THSD7B: variants seen among roughly 807,000 people sequenced by gnomAD.
THSD7B encodes the protein thrombospondin type-1 domain-containing protein 7B.
In THSD7B, 138 loss-of-function variants were observed where a neutral mutation model predicts 213.6. The ratio of observed to expected loss-of-function variants is 0.65; its 90% CI spans 0.56 to 0.74. THSD7B has a LOEUF of 0.74. Ranked by LOEUF, THSD7B falls within the 30% of genes least tolerant of loss-of-function variation. The pLI is 0.00. For synonymous variants in THSD7B, 742 were observed against 687.0 expected (o/e 1.08, Z -1.25); for missense variants, 1,931 against 1,991.5 (o/e 0.97, Z 0.58).
At chr2:137,549,310 CTTTTTTTTTTTTT>C (rs1027305359) in intron 15 of THSD7B, among the ~76,000 whole-genome samples, 580 of 25,248 alleles carry the variant, frequency 0.023, 11 homozygotes, top group Admixed American at 0.044. Context: ...TTCAGATGCT[CTTTTTTTTTTTTT>C]TTTTTTTTTT....
At chr2:136,909,978 A>G (rs1248020438) in intron 2 of THSD7B, among the ~76,000 whole-genome samples, 1 of 152,146 alleles carries the variant, frequency 6.6e-6, no homozygotes, top group Non-Finnish European at 1.5e-5. Flanking sequence ...AACGAACAGG[A>G]TCAGGTCTTC....
chr2:137,572,659 C>T lies in THSD7B; in HGVS notation c.3423+103C>T, dbSNP rs1161546535. 5.1e-5 allele frequency: 63 copies of T among 1,244,234 alleles called. No individual in the cohort carries two copies. In the South Asian group the frequency reaches 1.4e-3, roughly 27 times the overall value. The allele number at this position is 1,244,234 out of a possible 1,614,324, so 77.1% of individuals were successfully genotyped here. On this transcript the variant is annotated intron_variant, in intron 17 of 27. Transcript: ENST00000409968. The stretch of plus-strand genomic sequence containing the variant: ...AGTCTCCAAAGCATTCTTCTAGTAA[C>T]ATGGGAAAATAATTTTTTTCTTTTT...
intron 15 of THSD7B, among the ~76,000 whole-genome samples, chr2:137,505,071 G>T (rs1334919139): frequency 6.6e-6 from 1 of 151,998 alleles, no homozygotes; most frequent in African/African-American, 2.4e-5. Flanking sequence ...AAATATTTTA[G>T]AATGCAGTCC....
intron 10 of THSD7B, among the ~76,000 whole-genome samples, chr2:137,267,478 G>C (rs924833862): frequency 2.6e-5 from 4 of 152,014 alleles, no homozygotes; most frequent in African/African-American, 9.7e-5. Flanking sequence ...ATAACAGAAG[G>C]ACAGTGATGT....
chr2:136,826,636 CTTCA>C (rs1274049136), intron 1 of THSD7B, among the ~76,000 whole-genome samples: 4 of 152,100 alleles, frequency 2.6e-5, no homozygotes, highest in Admixed American at 1.3e-4. Flanking sequence ...AAGTTAGATT[CTTCA>C]TTCATGATGC....
chr2:137,480,962 C>T (rs1229891071), intron 15 of THSD7B, among the ~76,000 whole-genome samples: 1 of 152,224 alleles, frequency 6.6e-6, no homozygotes, highest in Admixed American at 6.5e-5. Context: ...CTTACACGGT[C>T]ATTAGGTCTT....
chr2:137,155,436 C>T (rs1679893850), intron 5 of THSD7B, among the ~76,000 whole-genome samples: 1 of 152,084 alleles, frequency 6.6e-6, no homozygotes. Context: ...TTGTTTCAGG[C>T]AGTAGTTTCA....
At chr2:137,293,083 A>G (rs185925236) in intron 12 of THSD7B, among the ~76,000 whole-genome samples, 169 of 152,114 alleles carry the variant, frequency 1.1e-3, no homozygotes, top group African/African-American at 3.8e-3. Flanking sequence ...CCCAGGTGGT[A>G]CTTTTCATCA....
chr2:137,300,330 T>A (rs1490803105), intron 12 of THSD7B, among the ~76,000 whole-genome samples: 1 of 152,202 alleles, frequency 6.6e-6, no homozygotes, highest in East Asian at 1.9e-4. Flanking sequence ...GCAAGTTATT[T>A]TGTAATTTAC....
intron 14 of THSD7B, among the ~76,000 whole-genome samples, chr2:137,418,418 C>T (rs935258213): frequency 5.3e-5 from 8 of 152,148 alleles, no homozygotes; most frequent in Non-Finnish European, 2.9e-5. Flanking sequence ...ATGATTTTAC[C>T]CTCCTTTTTT....
rs554846870 is a variant in THSD7B at position 137,569,019 on chromosome 2, A to G, written c.3273-3387A>G. On this transcript the variant is annotated intron_variant, in intron 16 of 27. Coordinates refer to ENST00000409968, the MANE Select transcript of THSD7B (RefSeq NM_001316349.2). ...GACTTTGTGATGGGAAGATTTTCTT[A>G]GATTGTCCAGTGGGAAAAATGTATT... Among the ~76,000 whole-genome samples the G allele has an allele frequency of 3.1e-4, 47 of 152,314 alleles. No individual in the cohort carries two copies. The South Asian group carries it at 5.8e-3, about 19-fold the overall frequency.
chr2:137,067,982 C>A (rs1462468041), intron 3 of THSD7B, among the ~76,000 whole-genome samples: 1 of 152,054 alleles, frequency 6.6e-6, no homozygotes, highest in African/African-American at 2.4e-5. Context: ...AGACACTGAG[C>A]CTCCAGTAAG....
chr2:137,294,887 A>C (rs1683422136), intron 12 of THSD7B, among the ~76,000 whole-genome samples: 1 of 152,106 alleles, frequency 6.6e-6, no homozygotes, highest in Non-Finnish European at 1.5e-5. Flanking sequence ...TAGGAAAATC[A>C]ATGCCTTGAT....
chr2:137,326,242 G>A (rs1308851667), intron 12 of THSD7B, among the ~76,000 whole-genome samples: 3 of 152,170 alleles, frequency 2.0e-5, no homozygotes, highest in Admixed American at 2.0e-4. Context: ...AAATCAGCAT[G>A]CCCTTCAGAA....
intron 15 of THSD7B, among the ~76,000 whole-genome samples, chr2:137,561,322 G>A (rs1221075642): frequency 6.6e-6 from 1 of 152,110 alleles, no homozygotes; most frequent in Non-Finnish European, 1.5e-5. Flanking sequence ...TATATGGGAG[G>A]GAAGGTGAAA....
chr2:137,162,074 A>G (rs1558942783), intron 6 of THSD7B, among the ~76,000 whole-genome samples: 1 of 152,210 alleles, frequency 6.6e-6, no homozygotes, highest in Non-Finnish European at 1.5e-5. Flanking sequence ...TAATGGTTAT[A>G]GGTGACAGAA....
intron 6 of THSD7B, among the ~76,000 whole-genome samples, chr2:137,164,167 G>A (rs1680074202): frequency 6.6e-6 from 1 of 152,076 alleles, no homozygotes; most frequent in South Asian, 2.1e-4. Flanking sequence ...GTTGTGGGAG[G>A]GCAGGAGGTT....
intron 1 of THSD7B, among the ~76,000 whole-genome samples, chr2:136,850,595 TA>T (rs559875149): frequency 0.01 from 1,504 of 148,534 alleles, 17 homozygotes; most frequent in Middle Eastern, 0.052. Flanking sequence ...GCTGAAAGTG[TA>T]AAAAAAAAAT....
At chr2:137,661,420 C>T (rs1019440866) in intron 25 of THSD7B, among the ~76,000 whole-genome samples, 3 of 151,792 alleles carry the variant, frequency 2.0e-5, no homozygotes, top group African/African-American at 7.3e-5. Flanking sequence ...GAGCATGCGT[C>T]TTTGGTGAAG....
Sources: allele counts gnomAD v4.1 joint callset (sites outside exome capture counted in the v4.1 genomes callset), GRCh38; gene constraint gnomAD v4.1.1; transcripts MANE v1.5; gene names NCBI Gene and HGNC (gene_info 2026-07-23, HGNC 2026-07-21).